The following MTMR8 variants were observed in gnomAD, a reference collection of about 807,000 sequenced individuals.
MTMR8 encodes the protein phosphatidylinositol-3,5-bisphosphate 3-phosphatase MTMR8.
MTMR8 carries 65 observed loss-of-function variants against 39.3 expected under a neutral mutation model. The ratio of observed to expected loss-of-function variants is 1.65; its 90% CI spans 1.35 to 2.03. The LOEUF (loss-of-function observed/expected upper bound fraction) is 2.03. Ranked by LOEUF, MTMR8 falls within the 30% of genes most tolerant of loss-of-function variation. The pLI, the probability that MTMR8 is intolerant of heterozygous loss-of-function variation, is 0.00. For missense variants in MTMR8, 777 were observed against 538.9 expected (o/e 1.44, Z -4.37); for synonymous variants, 245 against 185.2 (o/e 1.32, Z -2.62).
At chrX:64,329,342 G>T (rs1922883787) in intron 11 of MTMR8, among the ~76,000 whole-genome samples, 1 of 111,508 alleles carries the variant, frequency 9.0e-6, no homozygotes, top group South Asian at 3.8e-4. Context: ...TTAAGTGATA[G>T]GTTCTATGGG....
chrX:64,379,669 C>G (rs1409891089), intron 1 of MTMR8, among the ~76,000 whole-genome samples: 1 of 111,411 alleles, frequency 9.0e-6, no homozygotes, highest in Non-Finnish European at 1.9e-5. Flanking sequence ...AGGGCTCACC[C>G]TAATGACATC....
At chrX:64,302,653 A>T (rs748850165) in intron 12 of MTMR8, among the ~76,000 whole-genome samples, 21 of 112,795 alleles carry the variant, frequency 1.9e-4, no homozygotes, top group Non-Finnish European at 3.9e-4. Context: ...GAAAAGCTTG[A>T]TAGTACCAAT....
chrX:64,370,696 G>T lies in MTMR8; in HGVS notation c.25-11169C>A, dbSNP rs773527143. On this transcript the variant is annotated intron_variant, in intron 1 of 13. Transcript: ENST00000374852. ...AATACAATGGTGGTGGGAGCAATAG[G>T]CTATATACCACATAGCCTAGGTGTG... 9.8e-5 allele frequency among the ~76,000 whole-genome samples: 11 copies of T among 111,976 alleles called. No individual in the cohort carries two copies. In the East Asian group the frequency reaches 1.7e-3, roughly 17 times the overall value.
At chrX:64,388,347 C>G (rs1400324111) in intron 1 of MTMR8, among the ~76,000 whole-genome samples, 1 of 111,882 alleles carries the variant, frequency 8.9e-6, no homozygotes, top group African/African-American at 3.3e-5. Context: ...TTAAAAACGG[C>G]AGGCTTTTAT....
At chrX:64,362,006 AG>A (rs1456667365) in intron 1 of MTMR8, among the ~76,000 whole-genome samples, 2 of 111,088 alleles carry the variant, frequency 1.8e-5, no homozygotes, top group Non-Finnish European at 3.8e-5. Context: ...CAACCACAAA[AG>A]TCAATAACAT....
chrX:64,386,856 C>A (rs557361908), intron 1 of MTMR8, among the ~76,000 whole-genome samples: 1 of 106,291 alleles, frequency 9.4e-6, no homozygotes, highest in Non-Finnish European at 1.9e-5. Flanking sequence ...CCAGCCTGGG[C>A]AACATAGTGA....
rs1469020917 is a variant in MTMR8, at chrX:64,359,509, C to A, written c.43G>T (p.Val15Leu). ...TVPKVENVKL[V>L]DRYVSKKPAN... is the part of the protein sequence containing the mutation. ...GGTTTCTTACTCACATAACGATCCA[C>A]CAATTTCACGTTTTCTACCTGTTAT... The change falls in exon 2 of 14, where the codon GTG (valine) becomes TTG (leucine). Residue 15 changes from valine (V) to leucine (L), a missense_variant. Val to Leu is a conservative substitution (Grantham distance 32). Coordinates refer to ENST00000374852, the MANE Select transcript of MTMR8 (RefSeq NM_017677.4). 3 of 1,198,213 alleles carry A rather than the reference C, an allele frequency of 2.5e-6. No individual in the cohort carries two copies. Among genetic ancestry groups the A allele is most frequent in the South Asian group, 3.7e-5 (2 of 54,563 alleles).
chrX:64,288,709 TC>T (rs1334511271), intron 12 of MTMR8, among the ~76,000 whole-genome samples: 1 of 111,497 alleles, frequency 9.0e-6, no homozygotes, highest in African/African-American at 3.3e-5. Context: ...TGAGTTCATG[TC>T]CTTTGCAGGG....
intron 1 of MTMR8, among the ~76,000 whole-genome samples, chrX:64,374,456 CTG>C (rs1924209552): frequency 8.9e-6 from 1 of 111,969 alleles, no homozygotes; most frequent in African/African-American, 3.3e-5. Flanking sequence ...ATGCCAGGCA[CTG>C]TGTCAAATGT....
chrX:64,293,629 A>G (rs1218279448), intron 12 of MTMR8, among the ~76,000 whole-genome samples: 2 of 111,113 alleles, frequency 1.8e-5, no homozygotes, highest in Non-Finnish European at 3.8e-5. Context: ...GAAGGTGGCT[A>G]CTTCCAGTAG....
At chrX:64,313,939 C>T (rs1304310880) in intron 12 of MTMR8, among the ~76,000 whole-genome samples, 1 of 112,003 alleles carries the variant, frequency 8.9e-6, no homozygotes, top group Non-Finnish European at 1.9e-5. Context: ...AGTCACTGTC[C>T]TTTGGATGTT....
chrX:64,371,069 A>T (rs1330266481), intron 1 of MTMR8, among the ~76,000 whole-genome samples: 1 of 111,791 alleles, frequency 8.9e-6, no homozygotes, highest in Non-Finnish European at 1.9e-5. Flanking sequence ...AATCAGAAGG[A>T]TCACTTGAAC....
At chrX:64,334,741 A>G (rs961086225) in intron 10 of MTMR8, among the ~76,000 whole-genome samples, 23 of 110,919 alleles carry the variant, frequency 2.1e-4, no homozygotes, top group African/African-American at 6.6e-4. Context: ...TTATGGTTTC[A>G]AACACATCAG....
chrX:64,307,199 C>T lies in MTMR8; in HGVS notation c.1481+21573G>A, dbSNP rs535092814. 3.8e-4 allele frequency among the ~76,000 whole-genome samples: 42 copies of T among 111,559 alleles called. No individual in the cohort carries two copies. In the South Asian group the frequency reaches 0.016, roughly 42 times the overall value. Reference sequence around the variant, plus strand: ...GATACGTTATTTGTAGTATTTTCTCCCAGTCTGTAGCTCTGTAGCTTCTGT... The same window carrying T: ...GATACGTTATTTGTAGTATTTTCTCTCAGTCTGTAGCTCTGTAGCTTCTGT... On this transcript the variant is annotated intron_variant, in intron 12 of 13. Transcript: ENST00000374852.
chrX:64,326,180 G>GGAGGAA (rs1437327102), intron 12 of MTMR8, among the ~76,000 whole-genome samples: 32 of 111,084 alleles, frequency 2.9e-4, no homozygotes, highest in Admixed American at 1.3e-3. Flanking sequence ...TTGAGTAGGC[G>GGAGGAA]GAGGAAGAGG....
At chrX:64,292,245 T>C (rs1921422349) in intron 12 of MTMR8, among the ~76,000 whole-genome samples, 1 of 111,980 alleles carries the variant, frequency 8.9e-6, no homozygotes, top group Admixed American at 9.5e-5. Context: ...AATTATGCTT[T>C]AGATACTCTC....
At chrX:64,343,092 T>A (rs185574109) in intron 8 of MTMR8, among the ~76,000 whole-genome samples, 4 of 111,457 alleles carry the variant, frequency 3.6e-5, no homozygotes, top group Middle Eastern at 4.7e-3. Context: ...AAAAAATAGG[T>A]CTTTGTACTC....
intron 1 of MTMR8, among the ~76,000 whole-genome samples, chrX:64,371,064 G>C (rs748244852): frequency 8.9e-6 from 1 of 111,846 alleles, no homozygotes; most frequent in African/African-American, 3.2e-5. Context: ...GGCTGAATCA[G>C]AAGGATCACT....
At chrX:64,275,694 T>C (rs1052871593) in intron 12 of MTMR8, among the ~76,000 whole-genome samples, 1 of 109,586 alleles carries the variant, frequency 9.1e-6, no homozygotes. Context: ...TGTTTATTTT[T>C]TGGAAAAAAA....
Sources: gnomAD v4.1 joint callset for allele counts (sites outside exome capture counted in the v4.1 genomes callset) on GRCh38, gnomAD v4.1.1 for gene constraint, MANE v1.5 for transcripts, NCBI Gene and HGNC (gene_info 2026-07-23, HGNC 2026-07-21) for gene names.